The following TPRG1 variants were observed in gnomAD, a reference collection of about 807,000 sequenced individuals.
The protein encoded by TPRG1 is tumor protein p63-regulated gene 1 protein.
In TPRG1, 29 loss-of-function variants were observed where a neutral mutation model predicts 29.3. The observed-to-expected ratio is 0.99, with a 90% CI of 0.74 to 1.35. The LOEUF (loss-of-function observed/expected upper bound fraction) is 1.35, where lower values mean the gene tolerates loss of function less well. Ranked by LOEUF, TPRG1 falls within the 40% of genes most tolerant of loss-of-function variation. The probability of loss-of-function intolerance (pLI) is 0.00; values close to 1 mark genes in which losing one functional copy is unlikely to be tolerated. For synonymous variants in TPRG1, 130 were observed against 116.8 expected (o/e 1.11, Z -0.73); for missense variants, 327 against 335.0 (o/e 0.98, Z 0.19).
intron 4 of TPRG1, among the ~76,000 whole-genome samples, chr3:189,249,029 T>G (rs73889147): frequency 0.058 from 8,842 of 151,484 alleles, 546 homozygotes; most frequent in African/African-American, 0.16. Context: ...ATCATATATA[T>G]AGAGTTCTAC....
intron 4 of TPRG1, among the ~76,000 whole-genome samples, chr3:189,149,060 A>G (rs1273388953): frequency 6.6e-6 from 1 of 152,162 alleles, no homozygotes; most frequent in African/African-American, 2.4e-5. Context: ...ATAGGTATCC[A>G]TAAAGTAGGT....
At chr3:189,092,313 C>T (rs1284367850) in intron 4 of TPRG1, among the ~76,000 whole-genome samples, 1 of 152,156 alleles carries the variant, frequency 6.6e-6, no homozygotes, top group African/African-American at 2.4e-5. Flanking sequence ...CTCTAACAAG[C>T]TCCCAGGTGA....
chr3:189,152,180 A>G (rs1372915015), intron 5 of TPRG1, among the ~76,000 whole-genome samples: 1 of 150,192 alleles, frequency 6.7e-6, no homozygotes, highest in African/African-American at 2.5e-5. Context: ...TTTTTTTTTT[A>G]TGTTACCAAG....
intron 2 of TPRG1, among the ~76,000 whole-genome samples, chr3:189,128,998 A>C (rs955213294): frequency 3.3e-5 from 5 of 152,194 alleles, no homozygotes; most frequent in Non-Finnish European, 7.3e-5. Flanking sequence ...AAACAAAAAC[A>C]AAAACAACAG....
At chr3:189,280,482 T>A (rs80237300) in intron 4 of TPRG1, among the ~76,000 whole-genome samples, 4,783 of 152,166 alleles carry the variant, frequency 0.031, 248 homozygotes, top group African/African-American at 0.11. Flanking sequence ...ACTTAGAGCT[T>A]TTTTATGCCC....
chr3:189,128,712 A>G (rs371585362), intron 2 of TPRG1, among the ~76,000 whole-genome samples: 15 of 152,286 alleles, frequency 9.8e-5, no homozygotes, highest in African/African-American at 2.9e-4. Flanking sequence ...TAGGTAACTT[A>G]CCTAAGGACA....
intron 4 of TPRG1, among the ~76,000 whole-genome samples, chr3:189,058,876 C>T (rs773989597): frequency 2.6e-5 from 4 of 152,142 alleles, no homozygotes; most frequent in Non-Finnish European, 2.9e-5. Flanking sequence ...ATAAGGCATA[C>T]TTAGAAGCAT....
At chr3:189,165,670 G>C (rs1728080422) in intron 5 of TPRG1, among the ~76,000 whole-genome samples, 1 of 152,126 alleles carries the variant, frequency 6.6e-6, no homozygotes, top group Non-Finnish European at 1.5e-5. Context: ...GGAGTCATAA[G>C]CCCTGGACTC....
At chr3:189,169,758 G>A (rs1206053582), upstream of TPRG1, among the ~76,000 whole-genome samples, 1 of 152,218 alleles carries the variant, frequency 6.6e-6, no homozygotes, top group African/African-American at 2.4e-5. Context: ...AACAGCCCAG[G>A]GAGGTTGGTG....
intron 4 of TPRG1, among the ~76,000 whole-genome samples, chr3:189,044,191 C>T (rs1714812457): frequency 6.6e-6 from 1 of 151,920 alleles, no homozygotes; most frequent in South Asian, 2.1e-4. Flanking sequence ...GGCAAATTGT[C>T]GGAAAGAGAC....
intron 1 of TPRG1, chr3:189,191,099 C>A: frequency 3.0e-6 from 1 of 337,372 alleles, no homozygotes; most frequent in Non-Finnish European, 4.2e-6. Flanking sequence ...TTCTTACTTT[C>A]AAATATGACC....
At chr3:189,160,747 C>G (rs1441779266) in intron 5 of TPRG1, among the ~76,000 whole-genome samples, 2 of 152,214 alleles carry the variant, frequency 1.3e-5, no homozygotes, top group Non-Finnish European at 2.9e-5. Flanking sequence ...CCTGCCAGAC[C>G]TGTTTCCAAG....
chr3:189,231,176 G>A (rs1333785588), intron 3 of TPRG1, among the ~76,000 whole-genome samples: 1 of 151,516 alleles, frequency 6.6e-6, no homozygotes, highest in Non-Finnish European at 1.5e-5. Context: ...GTAACTTGCA[G>A]TATAATAAAA....
chr3:189,063,569 C>T (rs920045888), intron 4 of TPRG1, among the ~76,000 whole-genome samples: 5 of 152,040 alleles, frequency 3.3e-5, no homozygotes, highest in African/African-American at 1.2e-4. Context: ...TGTGTTTTCT[C>T]TGACTACAAT....
chr3:189,233,964 GGAC>G (rs1739066722), intron 3 of TPRG1, among the ~76,000 whole-genome samples: 1 of 152,098 alleles, frequency 6.6e-6, no homozygotes, highest in Non-Finnish European at 1.5e-5. Flanking sequence ...TCAAACTCCC[GGAC>G]TGAAGTGGCC....
intron 4 of TPRG1, among the ~76,000 whole-genome samples, chr3:189,051,816 A>G (rs1434678505): frequency 1.3e-5 from 2 of 152,228 alleles, no homozygotes; most frequent in Non-Finnish European, 2.9e-5. Context: ...CTGATCTTCA[A>G]CAAAGCAAAC....
intron 4 of TPRG1, among the ~76,000 whole-genome samples, chr3:189,255,083 G>A (rs1711592710): frequency 1.3e-5 from 2 of 152,170 alleles, no homozygotes; most frequent in South Asian, 2.1e-4. Flanking sequence ...GTGAGAGAGG[G>A]CATCCTTGTC....
At chr3:189,024,569 TG>T (rs1053238200) in intron 4 of TPRG1, among the ~76,000 whole-genome samples, 27 of 152,320 alleles carry the variant, frequency 1.8e-4, no homozygotes, top group African/African-American at 6.5e-4. Flanking sequence ...TGTGCTGTGC[TG>T]GGGGGTTTCT....
chr3:189,212,258 G>A (rs1056430691), intron 2 of TPRG1: 30 of 152,066 alleles, frequency 2.0e-4, no homozygotes, highest in Admixed American at 1.5e-3. Flanking sequence ...TCCCCGTGGC[G>A]TTTTTATAGT....
Sources: gnomAD v4.1 joint callset for allele counts (sites outside exome capture counted in the v4.1 genomes callset) on GRCh38, gnomAD v4.1.1 for gene constraint, MANE v1.5 for transcripts, NCBI Gene and HGNC (gene_info 2026-07-23, HGNC 2026-07-21) for gene names.